TNPO3: variants seen among roughly 807,000 people sequenced by gnomAD.
TNPO3 encodes the protein transportin-3.
A neutral mutation model predicts 122.8 loss-of-function variants in TNPO3; 65 were observed. The observed-to-expected ratio is 0.53, with a 90% CI of 0.43 to 0.65. The LOEUF (loss-of-function observed/expected upper bound fraction) is 0.65, where lower values mean the gene tolerates loss of function less well. Ranked by LOEUF, TNPO3 falls within the 30% of genes least tolerant of loss-of-function variation. The pLI is 0.00. For missense variants in TNPO3, 850 were observed against 1,136.7 expected, an observed-to-expected ratio of 0.75 and a Z score of 3.63; for synonymous variants, 372 against 411.2, an observed-to-expected ratio of 0.90 and a Z score of 1.15.
intron 3 of TNPO3, 55 bp from the exon 4 acceptor site, chr7:129,015,190 CATAAG>C: frequency 1.3e-6 from 2 of 1,565,938 alleles, no homozygotes; most frequent in Non-Finnish European, 1.7e-6. Context: ...TACACAATCA[CATAAG>C]ATAACAGCCA....
chr7:129,029,487 A>C (rs1039948552), intron 1 of TNPO3: 1 of 152,882 alleles, frequency 6.5e-6, no homozygotes, highest in African/African-American at 2.4e-5. Flanking sequence ...TCATGCAGGC[A>C]GCCTCCAATG....
chr7:129,016,076 C>T (rs980842545), intron 3 of TNPO3, among the ~76,000 whole-genome samples: 1 of 151,794 alleles, frequency 6.6e-6, no homozygotes, highest in Non-Finnish European at 1.5e-5. Context: ...AACAGCAAGA[C>T]TGTGTCTCCA....
intron 1 of TNPO3, among the ~76,000 whole-genome samples, chr7:129,034,812 G>A (rs1463603063): frequency 1.4e-5 from 2 of 146,904 alleles, no homozygotes; most frequent in Non-Finnish European, 1.5e-5. Context: ...GGAGAATGGC[G>A]TGAACCCGGG....
chr7:128,975,018 C>T, intron 17 of TNPO3, 56 bp from the exon 18 acceptor site: 1 of 1,340,098 alleles, frequency 7.5e-7, no homozygotes, highest in Non-Finnish European at 1.1e-6. Flanking sequence ...CCACAGCATT[C>T]AGACTTGCCA....
At chr7:128,962,998 T>C (rs1349412319) in intron 21 of TNPO3, among the ~76,000 whole-genome samples, 2 of 152,034 alleles carry the variant, frequency 1.3e-5, no homozygotes, top group Non-Finnish European at 2.9e-5. Flanking sequence ...ATGTGTGGGA[T>C]TCCAGAATGT....
chr7:128,972,088 C>T (rs987711894), intron 19 of TNPO3, among the ~76,000 whole-genome samples: 2 of 152,182 alleles, frequency 1.3e-5, no homozygotes, highest in African/African-American at 4.8e-5. Flanking sequence ...CACTGTACTC[C>T]AGCCTAGGCG....
intron 4 of TNPO3, among the ~76,000 whole-genome samples, chr7:129,007,076 C>T (rs1802654832): frequency 6.6e-6 from 1 of 152,126 alleles, no homozygotes; most frequent in Non-Finnish European, 1.5e-5. Flanking sequence ...CCAGTCATTG[C>T]AACATTTACT....
At chr7:128,991,958 G>T in intron 10 of TNPO3, 41 bp downstream of exon 10, 2 of 1,377,630 alleles carry the variant, frequency 1.5e-6, no homozygotes, top group South Asian at 2.5e-5. Context: ...CCTTCCTCTT[G>T]ATATTTAGAG....
At chr7:129,007,221 G>A (rs1190961029) in intron 4 of TNPO3, among the ~76,000 whole-genome samples, 1 of 152,056 alleles carries the variant, frequency 6.6e-6, no homozygotes, top group Non-Finnish European at 1.5e-5. Flanking sequence ...CAAGTAACTC[G>A]CCCAATATGG....
At chr7:128,960,473 T>G (rs1483746326) in intron 21 of TNPO3, among the ~76,000 whole-genome samples, 1 of 151,850 alleles carries the variant, frequency 6.6e-6, no homozygotes, top group Non-Finnish European at 1.5e-5. Flanking sequence ...GGACAAGATG[T>G]AAAAAGGTGG....
intron 19 of TNPO3, among the ~76,000 whole-genome samples, chr7:128,972,098 G>A (rs897673970): frequency 2.0e-5 from 3 of 152,198 alleles, no homozygotes; most frequent in Admixed American, 1.3e-4. Context: ...CAGCCTAGGC[G>A]ACAGAGCAAG....
intron 5 of TNPO3, 37 bp downstream of exon 5, chr7:129,004,979 T>G: frequency 6.3e-7 from 1 of 1,582,864 alleles, no homozygotes. Flanking sequence ...GAAAAGTGAT[T>G]GGCAGAAATA....
At chr7:128,965,925 A>G (rs1008970098) in intron 21 of TNPO3, among the ~76,000 whole-genome samples, 1 of 152,170 alleles carries the variant, frequency 6.6e-6, no homozygotes, top group Non-Finnish European at 1.5e-5. Context: ...GGAGATGGGG[A>G]GAGGGGAGAA....
In TNPO3 at chr7:129,027,153, A is replaced by G. The variant is rs1408482699; in HGVS notation, c.121-8996T>C. Among the ~76,000 whole-genome samples, 3 of 152,128 alleles carry G rather than the reference A, an allele frequency of 2.0e-5. No homozygotes were observed. The East Asian group carries it at 5.8e-4, about 29-fold the overall frequency. ...TTAACAACACACAGGAGTTAGTTTC[A>G]TGTCCATATGCTCCCTAAACAATAA... is the stretch of plus-strand genomic sequence containing the variant. On this transcript the variant is annotated intron_variant, in intron 1 of 22. Coordinates refer to ENST00000265388, the MANE Select transcript of TNPO3 (RefSeq NM_012470.4).
At chr7:128,958,309 AT>A (rs1026403314) in intron 21 of TNPO3, among the ~76,000 whole-genome samples, 1 of 151,690 alleles carries the variant, frequency 6.6e-6, no homozygotes, top group Non-Finnish European at 1.5e-5. Flanking sequence ...ACGCCCGACT[AT>A]TTTTTTGTAT....
chr7:129,000,582 G>A lies in TNPO3; in HGVS notation c.873-15C>T. The A allele has an allele frequency of 6.2e-7, 1 of 1,608,512 alleles. No homozygotes were observed. Among genetic ancestry groups the A allele is most frequent in the South Asian group, 1.1e-5 (1 of 90,664 alleles). On this transcript the variant is annotated splice_polypyrimidine_tract_variant and intron_variant, in intron 6 of 22. Coordinates refer to ENST00000265388, the MANE Select transcript of TNPO3 (RefSeq NM_012470.4). The stretch of plus-strand genomic sequence containing the variant: ...AATTCAGAACTCTGTAGAAGACAGG[G>A]GAATGAGAACAATGAGTCAGAAATC...
At chr7:129,056,077 A>G, upstream of TNPO3, 2 of 1,161,378 alleles carry the variant, frequency 1.7e-6, no homozygotes, top group Non-Finnish European at 2.6e-6. Context: ...GGGCGGAAGA[A>G]ATGTCTGGGG....
rs572804205 is a variant in TNPO3, at chr7:129,004,697, T to C, written c.696+319A>G. ...ATTATATCATGGAAATGTCTAGGAT[T>C]CAATGACCATTATTGAAATACATAA... On this transcript the variant is annotated intron_variant, in intron 5 of 22. Coordinates refer to ENST00000265388, the MANE Select transcript of TNPO3 (RefSeq NM_012470.4). Among the ~76,000 whole-genome samples, 3 of 152,348 alleles carry C rather than the reference T, an allele frequency of 2.0e-5. No individual in the cohort carries two copies. In the South Asian group the frequency reaches 6.2e-4, roughly 32 times the overall value.
At chr7:129,008,134 G>C (rs1462465762) in intron 4 of TNPO3, among the ~76,000 whole-genome samples, 1 of 150,900 alleles carries the variant, frequency 6.6e-6, no homozygotes, top group Non-Finnish European at 1.5e-5. Flanking sequence ...GGGCGACAGA[G>C]CAAGACTCTG....
Sources: gnomAD v4.1 joint callset for allele counts (sites outside exome capture counted in the v4.1 genomes callset) on GRCh38, gnomAD v4.1.1 for gene constraint, MANE v1.5 for transcripts, NCBI Gene and HGNC (gene_info 2026-07-23, HGNC 2026-07-21) for gene names.